Variants in CFAP57 observed in about 807,000 individuals in gnomAD.
The protein encoded by CFAP57 is cilia- and flagella-associated protein 57.
Under a neutral mutation model 146.8 loss-of-function variants are expected in CFAP57, and 116 were observed. The ratio of observed to expected loss-of-function variants is 0.79; its 90% CI spans 0.68 to 0.92. CFAP57 has a LOEUF of 0.92. Among genes scored for constraint, CFAP57 ranks in the 40% least tolerant of loss-of-function variants. CFAP57 has a pLI of 0.00. For synonymous variants in CFAP57, 518 were observed against 552.8 expected (o/e 0.94, Z 0.88); for missense variants, 1,377 against 1,527.2 (o/e 0.90, Z 1.64).
At chr1:43,216,916 C>T (rs1305182478) in intron 12 of CFAP57, among the ~76,000 whole-genome samples, 1 of 152,156 alleles carries the variant, frequency 6.6e-6, no homozygotes, top group Admixed American at 6.5e-5. Context: ...TAGCTGATAG[C>T]CTGGGAAGAG....
chr1:43,204,812 G>T (rs986946005), intron 9 of CFAP57, among the ~76,000 whole-genome samples: 5 of 152,170 alleles, frequency 3.3e-5, no homozygotes, highest in Non-Finnish European at 7.4e-5. Flanking sequence ...TGGTAGTTTG[G>T]ATGACCCCTT....
Position 43,246,819 on chromosome 1 carries a change from G to A in CFAP57, c.3538+3460G>A, listed in dbSNP as rs564907909. On this transcript the variant is annotated intron_variant, in intron 22 of 22. Coordinates refer to ENST00000372492, the MANE Select transcript of CFAP57 (RefSeq NM_001378189.1). ...AGTACATACATGACGGCCCATCAGT[G>A]ATAAACAGCTTGAGATTAAAAATTA... Among the ~76,000 whole-genome samples, 25 of 152,258 alleles carry A rather than the reference G, an allele frequency of 1.6e-4. 1 individual carries two copies. Among genetic ancestry groups the A allele is most frequent in the Non-Finnish European group, 1.5e-5 (1 of 68,004 alleles).
intron 18 of CFAP57, 124 bp from the exon 19 acceptor site, chr1:43,232,383 AG>A: frequency 1.4e-6 from 1 of 728,254 alleles, no homozygotes; most frequent in Non-Finnish European, 2.3e-6. Flanking sequence ...AGGACACAGA[AG>A]GGGATGAGAA....
intron 13 of CFAP57, among the ~76,000 whole-genome samples, chr1:43,220,586 T>C (rs1285355944): frequency 2.6e-5 from 4 of 152,114 alleles, no homozygotes; most frequent in Non-Finnish European, 5.9e-5. Context: ...GAGTCTGCCA[T>C]GGTGGCATCT....
At chr1:43,226,909 C>T in intron 17 of CFAP57, 74 bp from the exon 18 acceptor site, 2 of 1,403,430 alleles carry the variant, frequency 1.4e-6, no homozygotes, top group Non-Finnish European at 1.9e-6. Flanking sequence ...AGGCTTCGTG[C>T]TCTTTTGCCC....
intron 13 of CFAP57, among the ~76,000 whole-genome samples, chr1:43,219,955 A>AAAAT (rs371475523): frequency 1.3e-4 from 20 of 151,990 alleles, no homozygotes; most frequent in African/African-American, 2.2e-4. Flanking sequence ...ACTCTGTCTA[A>AAAAT]AAATAAATAA....
At chr1:43,244,766 G>A (rs1646050420) in intron 22 of CFAP57, among the ~76,000 whole-genome samples, 1 of 152,124 alleles carries the variant, frequency 6.6e-6, no homozygotes, top group African/African-American at 2.4e-5. Flanking sequence ...AGCTGGGCGT[G>A]GTGGCGCGGG....
At position 43,209,902 on chromosome 1, in the gene CFAP57, G is replaced by A. The variant is rs542413771; in HGVS notation, c.1915G>A (p.Gly639Ser). Reference protein sequence around the residue: ...KEFNEYQAHAGPITKMLLTFD... With the variant: ...KEFNEYQAHASPITKMLLTFD... ...ATTCAATGAGTACCAGGCCCATGCC[G>A]GTCCTATCACCAAGGTGAGCAGGGC... Residue 639 changes from glycine (G) to serine (S), a missense_variant, in exon 11 of 23, where the codon GGT becomes AGT. Physicochemically the swap from Gly to Ser is moderately conservative, Grantham distance 56 (BLOSUM62 0). Transcript: ENST00000372492. 21 of 1,614,196 alleles carry A rather than the reference G, an allele frequency of 1.3e-5. 1 individual carries two copies. Among genetic ancestry groups the A allele is most frequent in the Middle Eastern group, 3.3e-4 (2 of 6,062 alleles).
rs577174911 is a variant in CFAP57 at position 43,201,702 on chromosome 1, G to A, written c.1542+2199G>A. On this transcript the variant is annotated intron_variant, in intron 9 of 22. Coordinates refer to ENST00000372492, the MANE Select transcript of CFAP57 (RefSeq NM_001378189.1). The surrounding 1 kb of genome is among the most constrained non-coding windows in gnomAD (Gnocchi z 4.4). ...ACAATCTCAGCTCACCGCAACCTCCGCCTCCCAGGTTCAAGCGATTCTCCT... is the reference window on the plus strand; with the variant it reads ...ACAATCTCAGCTCACCGCAACCTCCACCTCCCAGGTTCAAGCGATTCTCCT... Among the ~76,000 whole-genome samples, 80 of 152,184 alleles carry A rather than the reference G, an allele frequency of 5.3e-4. 1 individual carries two copies. The highest frequency in any genetic ancestry group is 1.6e-3 in the African/African-American group (68 of 41,512).
In CFAP57 at chr1:43,198,665, A is replaced by C. The variant is rs1375862072; in HGVS notation, c.1428+19A>C. Reference sequence around the variant, plus strand: ...CGGAGAGGTAAAAAAAAAACTGCTGAAGACAAAAGTCCAGTTTCTTAGAAA... The same window carrying C: ...CGGAGAGGTAAAAAAAAAACTGCTGCAGACAAAAGTCCAGTTTCTTAGAAA... On this transcript the variant is annotated intron_variant, in intron 8 of 22. Transcript: ENST00000372492. The C allele has an allele frequency of 6.2e-7, 1 of 1,613,264 alleles. No homozygotes were observed. The highest frequency in any genetic ancestry group is 8.5e-7 in the Non-Finnish European group (1 of 1,179,792).
intron 22 of CFAP57, chr1:43,250,316 C>G (rs532566436): frequency 6.6e-6 from 1 of 152,220 alleles, no homozygotes; most frequent in African/African-American, 2.4e-5. Context: ...GAATGTGAAC[C>G]AAAATTTTGG....
At chr1:43,190,051 A>G (rs1261016406) in intron 6 of CFAP57, among the ~76,000 whole-genome samples, 9 of 152,182 alleles carry the variant, frequency 5.9e-5, no homozygotes, top group Non-Finnish European at 1.5e-5. Flanking sequence ...AAATTTTATC[A>G]GCGTTTTTAG....
At chr1:43,214,029 G>A (rs1040869559) in intron 11 of CFAP57, among the ~76,000 whole-genome samples, 4 of 151,736 alleles carry the variant, frequency 2.6e-5, no homozygotes, top group Admixed American at 6.6e-5. Context: ...TGGGATTACC[G>A]TGCCTGCCAC....
chr1:43,185,462 T>C (rs1642993105), intron 5 of CFAP57, 106 bp downstream of exon 5: 3 of 1,041,098 alleles, frequency 2.9e-6, no homozygotes, highest in African/African-American at 1.6e-5. Context: ...TAGGGCAGGA[T>C]TGCTGAGCAG....
At chr1:43,251,511 G>C (rs1159573476) in intron 22 of CFAP57, among the ~76,000 whole-genome samples, 1 of 152,222 alleles carries the variant, frequency 6.6e-6, no homozygotes, top group Admixed American at 6.5e-5. Context: ...CAGGCTTTAA[G>C]AGAAGAAGGG....
chr1:43,175,599 C>T (rs765405172), intron 2 of CFAP57, among the ~76,000 whole-genome samples: 1 of 152,042 alleles, frequency 6.6e-6, no homozygotes, highest in African/African-American at 2.4e-5. Context: ...CAGTCTCAAA[C>T]TCCTGGGCTC....
intron 21 of CFAP57, among the ~76,000 whole-genome samples, chr1:43,241,601 GC>G (rs1645924917): frequency 6.6e-6 from 1 of 152,038 alleles, no homozygotes; most frequent in African/African-American, 2.4e-5. Context: ...TTTGTTCCTG[GC>G]ACAGGTCCAT....
At chr1:43,191,752 T>G (rs1643548595) in intron 6 of CFAP57, among the ~76,000 whole-genome samples, 1 of 151,864 alleles carries the variant, frequency 6.6e-6, no homozygotes, top group Non-Finnish European at 1.5e-5. Context: ...ATGTTCACTC[T>G]AATCTTTACT....
intron 6 of CFAP57, chr1:43,196,684 A>G (rs1268443146): frequency 2.0e-5 from 3 of 152,288 alleles, no homozygotes; most frequent in Non-Finnish European, 4.4e-5. Flanking sequence ...AATGCCTCTG[A>G]TGACAGACAT....
Sources: gnomAD v4.1 joint callset for allele counts (sites outside exome capture counted in the v4.1 genomes callset) on GRCh38, gnomAD v4.1.1 for gene constraint, Gnocchi (gnomAD v3.1) non-coding constraint, MANE v1.5 for transcripts, NCBI Gene and HGNC (gene_info 2026-07-23, HGNC 2026-07-21) for gene names.